ADGRB3: variants seen among roughly 807,000 people sequenced by gnomAD.
The protein encoded by ADGRB3 is brain-specific angiogenesis inhibitor 3.
In ADGRB3, 37 loss-of-function variants were observed where a neutral mutation model predicts 193.4. That is an observed-to-expected ratio of 0.19 (90% CI 0.15 to 0.25). ADGRB3 has a LOEUF of 0.25. Ranked by LOEUF, ADGRB3 falls within the 10% of genes least tolerant of loss-of-function variation. The pLI is 1.00. For missense variants in ADGRB3, 1,637 were observed against 1,852.9 expected (o/e 0.88, Z 2.14); for synonymous variants, 690 against 644.2 (o/e 1.07, Z -1.08).
intron 3 of ADGRB3, among the ~76,000 whole-genome samples, chr6:68,795,880 A>G (rs1262136225): frequency 2.0e-5 from 3 of 152,114 alleles, no homozygotes; most frequent in Non-Finnish European, 4.4e-5. Flanking sequence ...AAATCTGTCT[A>G]TGAGCTTGAC....
At chr6:69,154,611 G>A (rs116647031) in intron 17 of ADGRB3, among the ~76,000 whole-genome samples, 234 of 152,108 alleles carry the variant, frequency 1.5e-3, no homozygotes, top group African/African-American at 5.1e-3. Context: ...TCTGCCTTCC[G>A]TTTTCCCAGA....
Position 68,981,846 on chromosome 6 carries a change from TTA to T in ADGRB3, c.1734+6508_1734+6509del, listed in dbSNP as rs1252597735. 4.7e-3 allele frequency among the ~76,000 whole-genome samples: 158 copies of T among 33,930 alleles called. 1 individual carries two copies. Among genetic ancestry groups the T allele is most frequent in the Admixed American group, 0.031 (125 of 3,996 alleles). The allele number at this position is 33,930 out of a possible 152,430, so 22.3% of individuals were successfully genotyped here. On this transcript the variant is annotated intron_variant, in intron 10 of 31. Coordinates refer to ENST00000370598, the MANE Select transcript of ADGRB3 (RefSeq NM_001704.3). Reference sequence around the variant, plus strand: ...CAAAGAATGGACAATACCTATTTTGTTATTTATTTATTTATTTATTTATTTAT... The same window carrying T: ...CAAAGAATGGACAATACCTATTTTGTTTTATTTATTTATTTATTTATTTAT...
chr6:68,868,411 T>C (rs867794188), intron 3 of ADGRB3, among the ~76,000 whole-genome samples: 1 of 152,176 alleles, frequency 6.6e-6, no homozygotes, highest in Non-Finnish European at 1.5e-5. Context: ...TCTTTATACA[T>C]TACCCAATCC....
chr6:68,841,784 C>T (rs544636218), intron 3 of ADGRB3, among the ~76,000 whole-genome samples: 1 of 152,140 alleles, frequency 6.6e-6, no homozygotes, highest in African/African-American at 2.4e-5. Flanking sequence ...TTCACATGTT[C>T]TCACTTATTT....
intron 17 of ADGRB3, among the ~76,000 whole-genome samples, chr6:69,086,049 T>C (rs1240575786): frequency 1.3e-5 from 2 of 152,000 alleles, no homozygotes; most frequent in Non-Finnish European, 2.9e-5. Flanking sequence ...TAAGTAATTA[T>C]ACTTGAGGGT....
Position 69,239,462 on chromosome 6 carries a change from T to C in ADGRB3, c.2814+236T>C, listed in dbSNP as rs1766340125. ...TTGTTCATAAGAGTAAAAATGTATG[T>C]TTATTAAACATTATATCAAAGCTCT... On this transcript the variant is annotated intron_variant, in intron 20 of 31. Transcript: ENST00000370598. 2.0e-5 allele frequency among the ~76,000 whole-genome samples: 3 copies of C among 152,000 alleles called. No homozygotes were observed. In the South Asian group the frequency reaches 6.2e-4, roughly 31 times the overall value.
chr6:69,276,580 C>T (rs1048770873), intron 20 of ADGRB3, among the ~76,000 whole-genome samples: 1 of 152,056 alleles, frequency 6.6e-6, no homozygotes, highest in African/African-American at 2.4e-5. Flanking sequence ...ATGTGAAGTG[C>T]TTCTCATTTT....
At chr6:69,068,513 T>G (rs1284159113) in intron 16 of ADGRB3, among the ~76,000 whole-genome samples, 1 of 152,162 alleles carries the variant, frequency 6.6e-6, no homozygotes, top group East Asian at 1.9e-4. Flanking sequence ...CAGCCATTAT[T>G]GGAAATGATG....
chr6:68,694,148 A>AC (rs1280682563), intron 3 of ADGRB3, among the ~76,000 whole-genome samples: 1 of 151,976 alleles, frequency 6.6e-6, no homozygotes, highest in African/African-American at 2.4e-5. Flanking sequence ...GGTGGCATCT[A>AC]CCCCCAAATT....
In ADGRB3 at chr6:68,854,658, T is replaced by C. The variant is rs376016937; in HGVS notation, c.758-75901T>C. Among the ~76,000 whole-genome samples the C allele has an allele frequency of 2.0e-5, 3 of 152,156 alleles. No homozygotes were observed. In the East Asian group the frequency reaches 5.8e-4, roughly 30 times the overall value. On this transcript the variant is annotated intron_variant, in intron 3 of 31. Transcript: ENST00000370598. ...AGGGTTTGGCCATAGAGAAAAGAAA[T>C]GTCCTCCCTGTGCCAGCATTTTACA...
At chr6:68,839,904 G>A (rs1768118056) in intron 3 of ADGRB3, among the ~76,000 whole-genome samples, 1 of 152,142 alleles carries the variant, frequency 6.6e-6, no homozygotes, top group Non-Finnish European at 1.5e-5. Context: ...ATAGGGGAGG[G>A]AGAGCACAGT....
intron 3 of ADGRB3, among the ~76,000 whole-genome samples, chr6:68,719,246 C>G (rs1765534804): frequency 6.6e-6 from 1 of 151,724 alleles, no homozygotes; most frequent in Non-Finnish European, 1.5e-5. Flanking sequence ...CTGTGATGAT[C>G]TGTATCTATA....
At chr6:68,723,936 A>C (rs1765628767) in intron 3 of ADGRB3, among the ~76,000 whole-genome samples, 1 of 151,626 alleles carries the variant, frequency 6.6e-6, no homozygotes, top group Non-Finnish European at 1.5e-5. Flanking sequence ...AGATTTAAGG[A>C]TGTTGCTAAT....
At chr6:69,117,956 C>G (rs918515327) in intron 17 of ADGRB3, among the ~76,000 whole-genome samples, 1 of 152,138 alleles carries the variant, frequency 6.6e-6, no homozygotes, top group Non-Finnish European at 1.5e-5. Flanking sequence ...TCAAGTTTTT[C>G]TCCCCTGTTT....
At chr6:69,303,879 T>G (rs989046550) in intron 20 of ADGRB3, among the ~76,000 whole-genome samples, 5 of 151,914 alleles carry the variant, frequency 3.3e-5, no homozygotes, top group Admixed American at 3.3e-4. Flanking sequence ...AGTAATCACC[T>G]TCTGTGAAGT....
At chr6:69,066,364 A>G (rs887658947) in intron 16 of ADGRB3, among the ~76,000 whole-genome samples, 4 of 151,974 alleles carry the variant, frequency 2.6e-5, no homozygotes, top group African/African-American at 9.6e-5. Context: ...ATTTTATTAA[A>G]ATGCCATGTG....
intron 17 of ADGRB3, among the ~76,000 whole-genome samples, chr6:69,118,824 T>G (rs951430571): frequency 3.3e-5 from 5 of 152,136 alleles, no homozygotes; most frequent in African/African-American, 1.2e-4. Context: ...TATAAAGTTT[T>G]GAAAGTGATT....
chr6:69,161,718 G>A (rs1774991346), intron 17 of ADGRB3, among the ~76,000 whole-genome samples: 1 of 152,102 alleles, frequency 6.6e-6, no homozygotes, highest in African/African-American at 2.4e-5. Flanking sequence ...GGTTTGACTG[G>A]AGGAGGATTT....
intron 3 of ADGRB3, among the ~76,000 whole-genome samples, chr6:68,790,780 C>T (rs1013052441): frequency 6.6e-6 from 1 of 152,056 alleles, no homozygotes; most frequent in Admixed American, 6.6e-5. Flanking sequence ...CACCAAAAAC[C>T]CATCTGTACG....
Sources: allele counts gnomAD v4.1 joint callset (sites outside exome capture counted in the v4.1 genomes callset), GRCh38; gene constraint gnomAD v4.1.1; transcripts MANE v1.5; gene names NCBI Gene and HGNC (gene_info 2026-07-23, HGNC 2026-07-21).